CCNT1: variants seen among roughly 807,000 people sequenced by gnomAD.
CCNT1 encodes cyclin T1.
A neutral mutation model predicts 67.3 loss-of-function variants in CCNT1; 18 were observed. That is an observed-to-expected ratio of 0.27 (90% CI 0.18 to 0.40). CCNT1 has a LOEUF of 0.40. Among genes scored for constraint, CCNT1 ranks in the 10% least tolerant of loss-of-function variants. The probability of loss-of-function intolerance (pLI) is 1.00; values close to 1 mark genes in which losing one functional copy is unlikely to be tolerated. For synonymous variants in CCNT1, 333 were observed against 310.3 expected, an observed-to-expected ratio of 1.07 and a Z score of -0.77; for missense variants, 744 against 884.9, an observed-to-expected ratio of 0.84 and a Z score of 2.02.
rs1565614729 is a variant in CCNT1 at position 48,693,021 on chromosome 12, CTTT to C, written c.*9_*11del. ...TTTAAAGAAGTTTTTTTCTCCTCTT[CTTT>C]TTCTTTTTTTACTTAGGAAGGGGTG... is the stretch of plus-strand genomic sequence containing the variant. On this transcript the variant is annotated 3_prime_UTR_variant, in exon 9 of 9. Transcript: ENST00000261900. 2.1e-6 allele frequency: 3 copies of C among 1,461,560 alleles called. No individual in the cohort carries two copies. The highest frequency in any genetic ancestry group is 2.8e-6 in the Non-Finnish European group (3 of 1,088,802). 90.5% of individuals were successfully genotyped at this position (1,461,560 alleles called of 1,614,324 possible). A position where few individuals can be genotyped will look rare whatever the true frequency, so the allele number is the denominator to read the frequency against.
Position 48,692,855 on chromosome 12 carries a change from T to G in CCNT1, c.*178A>C. 2 of 560,256 alleles carry G rather than the reference T, an allele frequency of 3.6e-6. No individual in the cohort carries two copies. The highest frequency in any genetic ancestry group is 3.2e-6 in the Non-Finnish European group (1 of 316,340). The allele number at this position is 560,256 out of a possible 1,614,324, so 34.7% of individuals were successfully genotyped here. On this transcript the variant is annotated 3_prime_UTR_variant, in exon 9 of 9. Transcript: ENST00000261900. ...AACTGTAAGAAAATAGTTAAATGCA[T>G]GAGACAGCAGATATATAGCCAAGGC... is the stretch of plus-strand genomic sequence containing the variant.
rs769129728 is a variant in CCNT1 at position 48,693,178 on chromosome 12, G to C, written c.2036C>G (p.Thr679Ser). The C allele has an allele frequency of 6.2e-7, 1 of 1,614,204 alleles. No individual in the cohort carries two copies. Among genetic ancestry groups the C allele is most frequent in the Non-Finnish European group, 8.5e-7 (1 of 1,180,032 alleles). Residue 679 changes from threonine (T) to serine (S), a missense_variant, in exon 9 of 9, where the codon ACT (threonine) becomes AGT (serine). Transcript: ENST00000261900. The part of the protein sequence containing the change: ...SAQGVQPTQP[T>S]AFEFVRPYSD... ...ATAAGGACGAACAAATTCAAATGCA[G>C]TGGGCTGAGTGGGCTGAACACCCTG...
chr12:48,699,333 A>G (rs1221871992), intron 5 of CCNT1, among the ~76,000 whole-genome samples: 1 of 152,238 alleles, frequency 6.6e-6, no homozygotes, highest in Non-Finnish European at 1.5e-5. Context: ...TTGATACTAA[A>G]CTAAATAAGA....
intron 1 of CCNT1, among the ~76,000 whole-genome samples, chr12:48,715,445 G>T (rs796510273): frequency 6.6e-6 from 1 of 151,884 alleles, no homozygotes; most frequent in Non-Finnish European, 1.5e-5. Context: ...TGTGGGAGAG[G>T]TTACCTCATT....
At chr12:48,698,870 C>T (rs1399822248) in intron 5 of CCNT1, among the ~76,000 whole-genome samples, 1 of 151,794 alleles carries the variant, frequency 6.6e-6, no homozygotes, top group Non-Finnish European at 1.5e-5. Flanking sequence ...GCAGGAGAAT[C>T]GCTTGAACCC....
At position 48,691,302 on chromosome 12, in the gene CCNT1, A is replaced by G. The variant is rs1036392839; in HGVS notation, c.*1731T>C. On this transcript the variant is annotated 3_prime_UTR_variant, in exon 9 of 9. Coordinates refer to ENST00000261900, the MANE Select transcript of CCNT1 (RefSeq NM_001240.4). ...CAACCTGTTCCTGGCAAGTAGCAGC[A>G]TAAGTACAACTCCTGTCTCCCTATG... 6.6e-5 allele frequency: 10 copies of G among 152,224 alleles called. No homozygotes were observed. The highest frequency in any genetic ancestry group is 1.9e-4 in the East Asian group (1 of 5,196). 9.4% of individuals were successfully genotyped at this position (152,224 alleles called of 1,614,324 possible). A position where few individuals can be genotyped will look rare whatever the true frequency, so the allele number is the denominator to read the frequency against.
intron 1 of CCNT1, among the ~76,000 whole-genome samples, chr12:48,716,084 C>A (rs1159518271): frequency 6.6e-6 from 1 of 152,194 alleles, no homozygotes; most frequent in East Asian, 1.9e-4. Context: ...CTAGTCCACC[C>A]TTTATAACAC....
intron 8 of CCNT1, among the ~76,000 whole-genome samples, chr12:48,694,916 C>T (rs1368674474): frequency 6.6e-6 from 1 of 152,172 alleles, no homozygotes. Flanking sequence ...CCTAACGTCC[C>T]GAGTTCAAGC....
At chr12:48,696,894 G>A (rs111802361) in intron 6 of CCNT1, among the ~76,000 whole-genome samples, 1,914 of 152,192 alleles carry the variant, frequency 0.013, 47 homozygotes, top group African/African-American at 0.044. Context: ...GTGCAGTGGG[G>A]CAATCTCGGC....
Position 48,695,999 on chromosome 12 carries a change from C to T in CCNT1, c.706G>A (p.Glu236Lys), listed in dbSNP as rs1355388992. ...CAAGGTCCCTTACTCTAAAACTTAC[C>T]ATCTAAAAGTTCCAAGGTCACAGTG... The part of the protein sequence containing the change: ...DATVTLELLD[E>K]LTHEFLQILE... The change falls in exon 7 of 9, where the codon GAA (glutamate) becomes AAA (lysine). Residue 236 changes from glutamate (E) to lysine (K), a missense_variant and splice_region_variant. Glu to Lys is a moderately conservative substitution (Grantham distance 56). Around this residue, in one of 3 missense-constraint regions of CCNT1, gnomAD observed 142 missense variants for 277.0 expected, o/e 0.51. Transcript: ENST00000261900. 1 of 1,613,850 alleles carries T rather than the reference C, an allele frequency of 6.2e-7. No homozygotes were observed. The highest frequency in any genetic ancestry group is 8.5e-7 in the Non-Finnish European group (1 of 1,179,898).
intron 1 of CCNT1, among the ~76,000 whole-genome samples, chr12:48,714,905 C>T (rs1487644847): frequency 6.6e-6 from 1 of 152,174 alleles, no homozygotes; most frequent in African/African-American, 2.4e-5. Flanking sequence ...CTCTACCTCC[C>T]AAATTCAAGC....
At chr12:48,697,533 AAAT>A (rs1217252110) in intron 6 of CCNT1, among the ~76,000 whole-genome samples, 39 of 121,886 alleles carry the variant, frequency 3.2e-4, no homozygotes, top group African/African-American at 1.1e-3. Flanking sequence ...AAAAAAAAAA[AAAT>A]ATATATATAT....
In CCNT1 at chr12:48,693,204, G is replaced by A; in HGVS notation, c.2010C>T (p.Ala670=). The A allele has an allele frequency of 1.2e-6, 2 of 1,614,166 alleles. No homozygotes were observed. The highest frequency in any genetic ancestry group is 1.6e-4 in the Middle Eastern group (1 of 6,062). Residue 670 remains alanine, a synonymous_variant, in exon 9 of 9, where the codon GCC becomes GCT. Transcript: ENST00000261900. ...TVNMLHSLLS[A]QGVQPTQPTA... The stretch of plus-strand genomic sequence containing the variant: ...TGGGCTGAGTGGGCTGAACACCCTG[G>A]GCACTGAGCAGGGAGTGAAGCATAT...
intron 8 of CCNT1, among the ~76,000 whole-genome samples, chr12:48,694,783 G>A (rs1435365670): frequency 1.3e-5 from 2 of 152,158 alleles, no homozygotes; most frequent in African/African-American, 2.4e-5. Flanking sequence ...AGTAAAAGAT[G>A]TGCTCTCAAG....
intron 2 of CCNT1, among the ~76,000 whole-genome samples, chr12:48,706,287 G>A (rs7312311): frequency 6.6e-6 from 1 of 152,186 alleles, no homozygotes; most frequent in African/African-American, 2.4e-5. Context: ...GCCAGGAGCT[G>A]CGGGGAGAGG....
chr12:48,716,493 A>G, intron 1 of CCNT1, 22 bp downstream of exon 1: 2 of 1,594,190 alleles, frequency 1.3e-6, no homozygotes, highest in Non-Finnish European at 1.7e-6. Context: ...TCCAAGGCCG[A>G]AGGCCTAGGC....
intron 2 of CCNT1, among the ~76,000 whole-genome samples, chr12:48,713,899 T>TG (rs1252455434): frequency 6.6e-6 from 1 of 151,864 alleles, no homozygotes; most frequent in African/African-American, 2.4e-5. Context: ...ATCTGTTTTT[T>TG]GGGGTTTTTT....
In CCNT1 at chr12:48,693,280, C is replaced by T; in HGVS notation, c.1934G>A (p.Gly645Glu). Residue 645 changes from glycine (G) to glutamate (E), a missense_variant, in exon 9 of 9, where the codon GGG becomes GAG. Gly to Glu is a moderately conservative substitution (Grantham distance 98). Transcript: ENST00000261900. The part of the protein sequence containing the change: ...PHSKLDKGPT[G>E]ANGHNTTQTI... Reference sequence around the variant, plus strand: ...CTGGGTCGTGTTGTGACCATTGGCCCCAGTGGGCCCTTTATCCAGTTTCGA... The same window carrying T: ...CTGGGTCGTGTTGTGACCATTGGCCTCAGTGGGCCCTTTATCCAGTTTCGA... 6.2e-7 allele frequency: 1 copy of T among 1,614,202 alleles called. No individual in the cohort carries two copies. Among genetic ancestry groups the T allele is most frequent in the South Asian group, 1.1e-5 (1 of 91,088 alleles).
chr12:48,695,679 C>T, intron 8 of CCNT1, 80 bp downstream of exon 8: 1 of 899,246 alleles, frequency 1.1e-6, no homozygotes, highest in Non-Finnish European at 1.8e-6. Flanking sequence ...ACCTAGGGTA[C>T]ATATTCAATA....
Sources: allele counts gnomAD v4.1 joint callset (sites outside exome capture counted in the v4.1 genomes callset), GRCh38; gene constraint gnomAD v4.1.1; regional missense constraint gnomAD v4.1.1; transcripts MANE v1.5; gene names NCBI Gene and HGNC (gene_info 2026-07-23, HGNC 2026-07-21).